ARHGEF26: variants seen among roughly 807,000 people sequenced by gnomAD.
The protein encoded by ARHGEF26 is Rho guanine nucleotide exchange factor 26, also known as Rho guanine nucleotide exchange factor (GEF) 26.
A neutral mutation model predicts 89.4 loss-of-function variants in ARHGEF26; 59 were observed. That is an observed-to-expected ratio of 0.66 (90% CI 0.54 to 0.82). ARHGEF26 has a LOEUF of 0.82. Ranked by LOEUF, ARHGEF26 falls within the 40% of genes least tolerant of loss-of-function variation. The probability of loss-of-function intolerance (pLI) is 0.00; values close to 1 mark genes in which losing one functional copy is unlikely to be tolerated. For missense variants in ARHGEF26, 1,234 were observed against 1,085.6 expected (o/e 1.14, Z -1.92); for synonymous variants, 500 against 428.4 (o/e 1.17, Z -2.06).
intron 6 of ARHGEF26, among the ~76,000 whole-genome samples, chr3:154,186,812 A>G (rs1713581002): frequency 6.7e-6 from 1 of 149,884 alleles, no homozygotes; most frequent in Non-Finnish European, 1.5e-5. Flanking sequence ...AATATCATGT[A>G]TATTATCAGA....
At chr3:154,123,096 G>A in intron 2 of ARHGEF26, 21 bp downstream of exon 2, 3 of 1,611,502 alleles carry the variant, frequency 1.9e-6, no homozygotes, top group Non-Finnish European at 2.5e-6. Context: ...GCAGGAGTGT[G>A]GCACGCCATT....
chr3:154,122,462 C>G lies in ARHGEF26; in HGVS notation c.470C>G (p.Thr157Ser), dbSNP rs1718022161. The part of the protein sequence containing the change: ...PRTPNAPAPC[T>S]PEEDLTGLTA... ...ACTCCTAACGCGCCCGCCCCCTGCA[C>G]CCCCGAGGAGGACCTTACTGGGTTG... Residue 157 changes from threonine to serine, a missense_variant, in exon 2 of 15, where the codon ACC (threonine) becomes AGC (serine). By Grantham distance (58) the Thr-to-Ser change is moderately conservative. Coordinates refer to ENST00000465093, the MANE Select transcript of ARHGEF26 (RefSeq NM_015595.4). The G allele has an allele frequency of 3.1e-6, 5 of 1,612,312 alleles. No individual in the cohort carries two copies. Among genetic ancestry groups the G allele is most frequent in the African/African-American group, 1.3e-5 (1 of 75,028 alleles).
At chr3:154,189,229 A>G (rs577328071) in intron 7 of ARHGEF26, among the ~76,000 whole-genome samples, 1 of 152,190 alleles carries the variant, frequency 6.6e-6, no homozygotes, top group East Asian at 1.9e-4. Context: ...GCTATACATC[A>G]TGTGACTCTT....
chr3:154,177,644 T>C (rs1454264646), intron 6 of ARHGEF26, among the ~76,000 whole-genome samples: 1 of 152,164 alleles, frequency 6.6e-6, no homozygotes, highest in African/African-American at 2.4e-5. Context: ...TGGAATTCCC[T>C]GAAGGCACTT....
chr3:154,193,916 C>A (rs1186733794), intron 8 of ARHGEF26, among the ~76,000 whole-genome samples: 2 of 151,660 alleles, frequency 1.3e-5, no homozygotes, highest in Non-Finnish European at 2.9e-5. Context: ...CTCGCTGCAA[C>A]CTCCACCTCC....
intron 6 of ARHGEF26, among the ~76,000 whole-genome samples, chr3:154,166,690 T>G (rs533885495): frequency 5.3e-5 from 8 of 152,304 alleles, no homozygotes; most frequent in South Asian, 4.1e-4. Flanking sequence ...TTTTTTCTTG[T>G]GAGCAGTGTG....
At chr3:154,179,384 A>G (rs1240518123) in intron 6 of ARHGEF26, among the ~76,000 whole-genome samples, 5 of 152,160 alleles carry the variant, frequency 3.3e-5, no homozygotes, top group Non-Finnish European at 7.4e-5. Flanking sequence ...CCTAATGAGA[A>G]GCTTTCTTGC....
intron 4 of ARHGEF26, among the ~76,000 whole-genome samples, chr3:154,140,695 C>T (rs1482913239): frequency 2.6e-5 from 4 of 151,528 alleles, no homozygotes; most frequent in Non-Finnish European, 4.4e-5. Context: ...ATTCTTCTGC[C>T]TCAGCCTCCT....
intron 6 of ARHGEF26, among the ~76,000 whole-genome samples, chr3:154,167,157 G>A (rs1467926286): frequency 6.6e-6 from 1 of 152,140 alleles, no homozygotes; most frequent in Admixed American, 6.5e-5. Flanking sequence ...AATAGTCATT[G>A]CTCTGAATAT....
At chr3:154,185,622 C>T (rs891069895) in intron 6 of ARHGEF26, among the ~76,000 whole-genome samples, 1 of 152,174 alleles carries the variant, frequency 6.6e-6, no homozygotes, top group Admixed American at 6.5e-5. Context: ...TTCATCGACC[C>T]TCCCTAACCC....
chr3:154,187,695 G>A lies in ARHGEF26; in HGVS notation c.1498G>A (p.Glu500Lys). The A allele has an allele frequency of 6.2e-7, 1 of 1,604,574 alleles. No individual in the cohort carries two copies. The highest frequency in any genetic ancestry group is 8.5e-7 in the Non-Finnish European group (1 of 1,175,376). Residue 500 changes from glutamate to lysine, a missense_variant, in exon 7 of 15, where the codon GAG becomes AAG. Transcript: ENST00000465093. Reference protein sequence around the residue: ...VCEASKKFFIELEARHQNNIF... With the variant: ...VCEASKKFFIKLEARHQNNIF... ...CCTTTGGTTTTTCAGGTTCTTTATA[G>A]AGTTGGAAGCAAGACATCAGAATAA...
chr3:154,168,472 G>T (rs774159675), intron 6 of ARHGEF26, among the ~76,000 whole-genome samples: 12 of 152,090 alleles, frequency 7.9e-5, no homozygotes, highest in Admixed American at 6.5e-5. Flanking sequence ...ACCTACTTGG[G>T]AGGCTGAGGT....
chr3:154,125,790 T>C (rs1219491833), intron 3 of ARHGEF26, among the ~76,000 whole-genome samples: 2 of 152,146 alleles, frequency 1.3e-5, no homozygotes, highest in Non-Finnish European at 2.9e-5. Flanking sequence ...ATTTTTTTCA[T>C]GTACATACAT....
intron 9 of ARHGEF26, among the ~76,000 whole-genome samples, chr3:154,202,451 G>T (rs1031355378): frequency 6.6e-6 from 1 of 152,204 alleles, no homozygotes; most frequent in East Asian, 1.9e-4. Context: ...CTCCAGCTTT[G>T]TTCTTTTGGC....
In ARHGEF26 at chr3:154,186,136, G is replaced by GACACACACACACACACACACAC. The variant is rs60675240; in HGVS notation, c.1488-1540_1488-1519dup. Among the ~76,000 whole-genome samples, 189 of 147,028 alleles carry GACACACACACACACACACACAC rather than the reference G, an allele frequency of 1.3e-3. 3 individuals are homozygous for GACACACACACACACACACACAC. The highest frequency in any genetic ancestry group is 4.5e-3 in the African/African-American group (179 of 39,818). On this transcript the variant is annotated intron_variant, in intron 6 of 14. Coordinates refer to ENST00000465093, the MANE Select transcript of ARHGEF26 (RefSeq NM_015595.4). ...GCTACCGTTTCTCTACACACACTTAGACACACACACACACACACACACACA... is the reference window on the plus strand; with the variant it reads ...GCTACCGTTTCTCTACACACACTTAGACACACACACACACACACACACACACACACACACACACACACACACA...
chr3:154,122,499 G>A lies in ARHGEF26; in HGVS notation c.507G>A (p.Pro169=), dbSNP rs368504534. ...ACCTTACTGGGTTGACTGCCAGCCC[G>A]GTGCCTTCGCCCACTGCAAATGGCC... is the stretch of plus-strand genomic sequence containing the variant. ...EEDLTGLTAS[P]VPSPTANGLA... Residue 169 remains proline (P), a synonymous_variant, in exon 2 of 15, where the codon CCG becomes CCA. Coordinates refer to ENST00000465093, the MANE Select transcript of ARHGEF26 (RefSeq NM_015595.4). The A allele has an allele frequency of 8.7e-6, 14 of 1,613,010 alleles. No homozygotes were observed. The African/African-American group carries it at 1.5e-4, about 17-fold the overall frequency.
intron 4 of ARHGEF26, among the ~76,000 whole-genome samples, chr3:154,148,227 C>T (rs1208887474): frequency 1.3e-5 from 2 of 152,212 alleles, no homozygotes; most frequent in Non-Finnish European, 2.9e-5. Context: ...AACTTTCAGG[C>T]TCCCCAAATG....
At chr3:154,177,358 C>T (rs357473) in intron 6 of ARHGEF26, among the ~76,000 whole-genome samples, 138,526 of 152,232 alleles carry the variant, frequency 0.91, 63,245 homozygotes, top group East Asian at 1. Flanking sequence ...AAGCAAACTT[C>T]CCTTAGCTTC....
chr3:154,233,697 T>C (rs906353606), intron 11 of ARHGEF26, among the ~76,000 whole-genome samples: 9 of 152,220 alleles, frequency 5.9e-5, no homozygotes, highest in African/African-American at 2.2e-4. Context: ...GGATTCACAG[T>C]TGCTCAGTGT....
Sources: gnomAD v4.1 joint callset for allele counts (sites outside exome capture counted in the v4.1 genomes callset) on GRCh38, gnomAD v4.1.1 for gene constraint, MANE v1.5 for transcripts, NCBI Gene and HGNC (gene_info 2026-07-23, HGNC 2026-07-21) for gene names.